The following GSE1 variants were observed in gnomAD, a reference collection of about 807,000 sequenced individuals.
The protein encoded by GSE1 is genetic suppressor element 1.
In GSE1, 32 loss-of-function variants were observed where a neutral mutation model predicts 112.6. The observed-to-expected ratio is 0.28, with a 90% CI of 0.21 to 0.38. The LOEUF (loss-of-function observed/expected upper bound fraction) is 0.38, where lower values mean the gene tolerates loss of function less well. Among genes scored for constraint, GSE1 ranks in the 10% least tolerant of loss-of-function variants. The pLI is 1.00. For missense variants in GSE1, 2,348 were observed against 1,699.2 expected, an observed-to-expected ratio of 1.38 and a Z score of -6.71; for synonymous variants, 1,115 against 735.6, an observed-to-expected ratio of 1.52 and a Z score of -8.35.
At chr16:85,187,015 G>C (rs2074717698) in intron 1 of GSE1, among the ~76,000 whole-genome samples, 1 of 152,214 alleles carries the variant, frequency 6.6e-6, no homozygotes, top group Non-Finnish European at 1.5e-5. Flanking sequence ...GCCCTGCTGA[G>C]CATGTGCTGG....
chr16:85,206,171 G>T lies in GSE1; in HGVS notation c.2283+34364G>T, dbSNP rs76151007. On this transcript the variant is annotated intron_variant, in intron 1 of 2. Coordinates refer to the GSE1 transcript ENST00000637419. Reference sequence around the variant, plus strand: ...GGGGGAGTGAACCGGGCACGGGAAGGGGGGAGGGAAGCACCCAGATGGGGG... The same window carrying T: ...GGGGGAGTGAACCGGGCACGGGAAGTGGGGAGGGAAGCACCCAGATGGGGG... Among the ~76,000 whole-genome samples the T allele has an allele frequency of 1.1e-4, 16 of 151,918 alleles. No homozygotes were observed. In the East Asian group the frequency reaches 1.4e-3, roughly 13 times the overall value.
chr16:85,340,924 G>A (rs900161228), intron 1 of GSE1, among the ~76,000 whole-genome samples: 3 of 152,206 alleles, frequency 2.0e-5, no homozygotes, highest in Admixed American at 6.5e-5. Context: ...GCCTCTGCAC[G>A]AGTTTCCTCA....
At chr16:85,463,612 G>A (rs768301698) in intron 2 of GSE1, among the ~76,000 whole-genome samples, 13 of 152,164 alleles carry the variant, frequency 8.5e-5, no homozygotes, top group Non-Finnish European at 1.8e-4. Flanking sequence ...ACCTGGGGTG[G>A]GTTGTGGGAC....
intron 2 of GSE1, among the ~76,000 whole-genome samples, chr16:85,532,288 T>A (rs537540554): frequency 6.6e-6 from 1 of 152,030 alleles, no homozygotes; most frequent in Non-Finnish European, 1.5e-5. Context: ...TAAGACAGAG[T>A]CTTGCTCTGT....
rs376195898 is a variant in GSE1, at chr16:85,613,415, C to A, written c.7+17C>A. 1.5e-4 allele frequency: 239 copies of A among 1,549,506 alleles called. No homozygotes were observed. In the African/African-American group the frequency reaches 3.1e-3, roughly 20 times the overall value. ...GCATGAAAGGTGAGCGCGCCGCACC[C>A]GGCCGGGGACGGGGTCCTCCCCCCT... On this transcript the variant is annotated intron_variant, in intron 1 of 15. Coordinates refer to ENST00000253458, the MANE Select transcript of GSE1 (RefSeq NM_014615.5).
At chr16:85,524,324 C>T (rs575342818) in intron 2 of GSE1, among the ~76,000 whole-genome samples, 11 of 151,978 alleles carry the variant, frequency 7.2e-5, no homozygotes, top group South Asian at 6.2e-4. Context: ...TGCTGCTTGC[C>T]GGCTCTGTGG....
chr16:85,478,909 TTCTTTCTTTCTTTCTTTC>T (rs2050571401), intron 2 of GSE1, among the ~76,000 whole-genome samples: 1 of 70,414 alleles, frequency 1.4e-5, no homozygotes, highest in Non-Finnish European at 2.7e-5. Context: ...CTTTCTTTCT[TTCTTTCTTTCTTTCTTTC>T]TCTTTCTTTC....
At chr16:85,467,240 A>T (rs926836741) in intron 2 of GSE1, among the ~76,000 whole-genome samples, 1 of 152,178 alleles carries the variant, frequency 6.6e-6, no homozygotes, top group African/African-American at 2.4e-5. Flanking sequence ...CTGGGTTCGC[A>T]TCCTGCTGCT....
intron 2 of GSE1, among the ~76,000 whole-genome samples, chr16:85,469,530 T>C (rs2050222848): frequency 6.6e-6 from 1 of 152,122 alleles, no homozygotes; most frequent in Admixed American, 6.5e-5. Flanking sequence ...TTGTCGCCGT[T>C]TGTTAAGGCA....
chr16:85,627,539 T>C (rs984738988), intron 1 of GSE1, among the ~76,000 whole-genome samples: 1 of 151,520 alleles, frequency 6.6e-6, no homozygotes, highest in African/African-American at 2.4e-5. Context: ...CAGGAAGGGT[T>C]GTCCAGAGCA....
chr16:85,484,560 C>A (rs2050775631), intron 2 of GSE1, among the ~76,000 whole-genome samples: 1 of 152,224 alleles, frequency 6.6e-6, no homozygotes, highest in Non-Finnish European at 1.5e-5. Flanking sequence ...GCAGGGGCCA[C>A]CATTGGTGCT....
chr16:85,277,050 C>T (rs1468612567), intron 1 of GSE1, among the ~76,000 whole-genome samples: 2 of 152,180 alleles, frequency 1.3e-5, no homozygotes, highest in Non-Finnish European at 2.9e-5. Context: ...TCTTCAAAGT[C>T]CCTAACAGCT....
intron 1 of GSE1, among the ~76,000 whole-genome samples, chr16:85,348,956 G>A (rs1413919595): frequency 1.3e-5 from 2 of 150,930 alleles, no homozygotes; most frequent in African/African-American, 2.4e-5. Context: ...AACCCCCACC[G>A]CCCTGCCGCT....
chr16:85,258,435 C>G (rs1199060733), intron 1 of GSE1, among the ~76,000 whole-genome samples: 1 of 152,218 alleles, frequency 6.6e-6, no homozygotes. Context: ...TGAACACATT[C>G]TCACCGGGTC....
exon 1 of GSE1, chr16:85,169,832 G>A: frequency 1.0e-6 from 1 of 984,346 alleles, no homozygotes; most frequent in Non-Finnish European, 1.2e-6. Flanking sequence ...GCCTTCGAGC[G>A]CGCCCGCACG....
exon 1 of GSE1, chr16:85,171,075 C>T (rs1597707762): frequency 1.3e-5 from 13 of 985,802 alleles, no homozygotes; most frequent in Non-Finnish European, 1.6e-5. Flanking sequence ...GCCTCCTGCC[C>T]TGCCCGCCCA....
intron 1 of GSE1, among the ~76,000 whole-genome samples, chr16:85,276,442 C>T (rs943034027): frequency 6.6e-6 from 1 of 152,234 alleles, no homozygotes; most frequent in Non-Finnish European, 1.5e-5. Flanking sequence ...GTTTTCTGAG[C>T]ACCGCCTGTG....
At chr16:85,607,854 C>T (rs570654737), upstream of GSE1, among the ~76,000 whole-genome samples, 1 of 152,344 alleles carries the variant, frequency 6.6e-6, no homozygotes, top group South Asian at 2.1e-4. Flanking sequence ...GCCCCCACTG[C>T]CACTCTGGAG....
At chr16:85,261,874 GC>G (rs1200240446) in intron 1 of GSE1, among the ~76,000 whole-genome samples, 2 of 152,190 alleles carry the variant, frequency 1.3e-5, no homozygotes, top group African/African-American at 4.8e-5. Flanking sequence ...GTGATTTGGT[GC>G]CCGCTTTGGC....
Sources: gnomAD v4.1 joint callset for allele counts (sites outside exome capture counted in the v4.1 genomes callset) on GRCh38, gnomAD v4.1.1 for gene constraint, MANE v1.5 for transcripts, NCBI Gene and HGNC (gene_info 2026-07-23, HGNC 2026-07-21) for gene names.